The following CECR2 variants were observed in gnomAD, a reference collection of about 807,000 sequenced individuals.
CECR2 encodes chromatin remodeling regulator CECR2.
In CECR2, 30 loss-of-function variants were observed where a neutral mutation model predicts 154.5. That is an observed-to-expected ratio of 0.19 (90% CI 0.15 to 0.26). The LOEUF (loss-of-function observed/expected upper bound fraction) is 0.26. Ranked by LOEUF, CECR2 falls within the 10% of genes least tolerant of loss-of-function variation. The probability of loss-of-function intolerance (pLI) is 1.00; values close to 1 mark genes in which losing one functional copy is unlikely to be tolerated. For synonymous variants in CECR2, 725 were observed against 683.7 expected, an observed-to-expected ratio of 1.06 and a Z score of -0.94; for missense variants, 1,743 against 1,829.3, an observed-to-expected ratio of 0.95 and a Z score of 0.86.
intron 1 of CECR2, 118 bp from the exon 2 acceptor site, chr22:17,477,470 C>T: frequency 1.4e-6 from 1 of 706,838 alleles, no homozygotes; most frequent in East Asian, 2.6e-5. Flanking sequence ...TGATCTCTGG[C>T]AAGTCCTTCC....
chr22:17,500,584 A>G (rs900902563), intron 4 of CECR2, 47 bp from the exon 5 acceptor site: 3 of 1,311,340 alleles, frequency 2.3e-6, no homozygotes, highest in Non-Finnish European at 3.2e-6. Flanking sequence ...CATATGTAGC[A>G]ATGCCAATCC....
chr22:17,378,226 G>A lies in CECR2; in HGVS notation c.126+8317G>A, dbSNP rs537566058. Among the ~76,000 whole-genome samples, 26 of 151,308 alleles carry A rather than the reference G, an allele frequency of 1.7e-4. No individual in the cohort carries two copies. The East Asian group carries it at 3.5e-3, about 20-fold the overall frequency. On this transcript the variant is annotated intron_variant, in intron 1 of 18. Transcript: ENST00000262608. ...TCTGGATCTCCTAACCTTGTGATCC[G>A]CCCGCCTTGGCCTCCCAAAGTGCTG...
intron 2 of CECR2, among the ~76,000 whole-genome samples, chr22:17,480,099 G>A (rs2055281069): frequency 6.6e-6 from 1 of 151,950 alleles, no homozygotes; most frequent in South Asian, 2.1e-4. Flanking sequence ...CCGTATCCCT[G>A]TATCTGTCTT....
chr22:17,538,529 GGAT>G lies in CECR2; in HGVS notation c.1255_1257del (p.Asp419del). On this transcript the variant is annotated inframe_deletion, in exon 11 of 19. Transcript: ENST00000262608. ...ATTTTGTGATTTACAGCTTTGAGTT[GGAT>G]GATGATTTCACTGCTATGTATAAAG... is the stretch of plus-strand genomic sequence containing the variant. 1.2e-6 allele frequency: 2 copies of G among 1,613,724 alleles called. No homozygotes were observed. Among genetic ancestry groups the G allele is most frequent in the South Asian group, 1.1e-5 (1 of 91,072 alleles).
At chr22:17,516,268 T>C (rs2056052876) in intron 8 of CECR2, among the ~76,000 whole-genome samples, 1 of 142,308 alleles carries the variant, frequency 7.0e-6, no homozygotes, top group South Asian at 2.1e-4. Context: ...TACATACATA[T>C]ACACATTTAT....
In CECR2 at chr22:17,552,915, C is replaced by T; in HGVS notation, c.*75C>T. The T allele has an allele frequency of 6.5e-7, 1 of 1,535,658 alleles. No individual in the cohort carries two copies. Among genetic ancestry groups the T allele is most frequent in the South Asian group, 1.2e-5 (1 of 80,596 alleles). On this transcript the variant is annotated 3_prime_UTR_variant, in exon 19 of 19. Transcript: ENST00000262608. ...GGAATGTGGAGAACTGGGGAGTGCC[C>T]TGTCAGCTCTATTCCCATCACCTGC...
chr22:17,502,020 T>C (rs1300178980), intron 5 of CECR2, among the ~76,000 whole-genome samples: 2 of 152,246 alleles, frequency 1.3e-5, no homozygotes, highest in East Asian at 3.8e-4. Context: ...AATGCCAATA[T>C]AGAACATTTT....
intron 16 of CECR2, among the ~76,000 whole-genome samples, chr22:17,547,075 A>T (rs1328871035): frequency 6.6e-6 from 1 of 151,090 alleles, no homozygotes; most frequent in Non-Finnish European, 1.5e-5. Flanking sequence ...TTTTATATAG[A>T]TATATACACA....
In CECR2 at chr22:17,540,729, A is replaced by C; in HGVS notation, c.1813A>C (p.Asn605His). The C allele has an allele frequency of 6.2e-7, 1 of 1,612,268 alleles. No individual in the cohort carries two copies. Among genetic ancestry groups the C allele is most frequent in the Non-Finnish European group, 8.5e-7 (1 of 1,179,160 alleles). ...GCCCCCGCGGGAGGTGGGCACTTCC[A>C]ATGGCCGAGGTTTTTCTCATCCCCT... is the stretch of plus-strand genomic sequence containing the variant. ...TQPPREVGTS[N>H]GRGFSHPLHC... The change falls in exon 14 of 19, where the codon AAT (asparagine) becomes CAT (histidine). Residue 605 changes from asparagine to histidine, a missense_variant. By Grantham distance (68) the Asn-to-His change is moderately conservative (BLOSUM62 1). Transcript: ENST00000262608.
intron 1 of CECR2, among the ~76,000 whole-genome samples, chr22:17,454,616 A>G (rs542097779): frequency 2.9e-4 from 44 of 152,004 alleles, no homozygotes; most frequent in African/African-American, 1.0e-3. Flanking sequence ...AAAAAAAAAA[A>G]AAAACCCTGC....
intron 1 of CECR2, among the ~76,000 whole-genome samples, chr22:17,453,379 T>C (rs974525725): frequency 6.6e-6 from 1 of 151,892 alleles, no homozygotes; most frequent in Non-Finnish European, 1.5e-5. Flanking sequence ...GAGGCGGAGG[T>C]TGTGGTGAGT....
intron 4 of CECR2, among the ~76,000 whole-genome samples, chr22:17,500,207 TCA>T (rs1491580480): frequency 2.9e-5 from 1 of 34,474 alleles, no homozygotes; most frequent in Non-Finnish European, 5.0e-5. Flanking sequence ...CGAGACTCCA[TCA>T]AAAAAAAAAA....
chr22:17,549,590 C>T, intron 17 of CECR2, 26 bp downstream of exon 17: 3 of 1,490,694 alleles, frequency 2.0e-6, no homozygotes, highest in Non-Finnish European at 2.7e-6. Flanking sequence ...GGCTTTTCCC[C>T]CTAAAGAGAG....
intron 9 of CECR2, among the ~76,000 whole-genome samples, chr22:17,527,478 A>G (rs1026998280): frequency 1.3e-5 from 2 of 151,006 alleles, no homozygotes; most frequent in African/African-American, 4.9e-5. Flanking sequence ...AAATAAATTA[A>G]AAAACAAGCC....
intron 1 of CECR2, among the ~76,000 whole-genome samples, chr22:17,444,846 G>A (rs534019811): frequency 6.6e-6 from 1 of 152,272 alleles, no homozygotes; most frequent in East Asian, 1.9e-4. Context: ...TGGGTTTACT[G>A]TGTTAATTAC....
intron 2 of CECR2, among the ~76,000 whole-genome samples, chr22:17,479,165 A>T (rs898778380): frequency 1.3e-5 from 2 of 152,260 alleles, no homozygotes; most frequent in African/African-American, 4.8e-5. Flanking sequence ...TCCTGGAAGT[A>T]CATCACTCAG....
intron 1 of CECR2, among the ~76,000 whole-genome samples, chr22:17,441,696 A>G (rs565945939): frequency 2.0e-5 from 3 of 152,114 alleles, no homozygotes; most frequent in African/African-American, 4.8e-5. Context: ...TCCTGGATCT[A>G]TGAATAGATT....
At position 17,548,739 on chromosome 22, in the gene CECR2, C is replaced by T; in HGVS notation, c.3452C>T (p.Pro1151Leu). Residue 1151 changes from proline to leucine, a missense_variant, in exon 17 of 19, where the codon CCA (proline) becomes CTA (leucine). Coordinates refer to ENST00000262608, the MANE Select transcript of CECR2 (RefSeq NM_001290047.2). Reference sequence around the variant, plus strand: ...GGCCCTGTGATGGGAGGGAAGTCCCCAGCATCCCATCCCCAGCATTTTCCC... The same window carrying T: ...GGCCCTGTGATGGGAGGGAAGTCCCTAGCATCCCATCCCCAGCATTTTCCC... ...GVGPVMGGKS[P>L]ASHPQHFPPR... 2 of 1,613,706 alleles carry T rather than the reference C, an allele frequency of 1.2e-6. No homozygotes were observed. The highest frequency in any genetic ancestry group is 1.7e-6 in the Non-Finnish European group (2 of 1,179,826).
chr22:17,504,003 TG>T (rs1415695465), intron 6 of CECR2, among the ~76,000 whole-genome samples: 1 of 151,356 alleles, frequency 6.6e-6, no homozygotes, highest in African/African-American at 2.4e-5. Context: ...GCTGAGATGG[TG>T]CCCCTGAACT....
Sources: gnomAD v4.1 joint callset for allele counts (sites outside exome capture counted in the v4.1 genomes callset) on GRCh38, gnomAD v4.1.1 for gene constraint, MANE v1.5 for transcripts, NCBI Gene and HGNC (gene_info 2026-07-23, HGNC 2026-07-21) for gene names.